LRRC37A2: variants seen among roughly 807,000 people sequenced by gnomAD.
The protein encoded by LRRC37A2 is leucine-rich repeat-containing protein 37A2.
LRRC37A2 carries 9 observed loss-of-function variants against 68.8 expected under a neutral mutation model. The ratio of observed to expected loss-of-function variants is 0.13; its 90% CI spans 0.08 to 0.23. The LOEUF (loss-of-function observed/expected upper bound fraction) is 0.23. Ranked by LOEUF, LRRC37A2 falls within the 10% of genes least tolerant of loss-of-function variation. LRRC37A2 has a pLI of 1.00. For synonymous variants in LRRC37A2, 63 were observed against 367.6 expected (o/e 0.17, Z 9.48); for missense variants, 168 against 950.4 (o/e 0.18, Z 10.82).
chr17:46,776,764 G>C, the LRRC37A2 span, among the ~76,000 whole-genome samples: 132 of 152,274 alleles, frequency 8.7e-4, no homozygotes, highest in African/African-American at 3.0e-3. Context: ...AGAAGCCTGG[G>C]CTGTCCCCGC....
At chr17:46,903,650 C>G in the LRRC37A2 span, among the ~76,000 whole-genome samples, 1 of 152,086 alleles carries the variant, frequency 6.6e-6, no homozygotes, top group Non-Finnish European at 1.5e-5. Context: ...TACACCAAAT[C>G]TGGCTTATTA....
chr17:46,841,020 G>C, the LRRC37A2 span, among the ~76,000 whole-genome samples: 1 of 152,124 alleles, frequency 6.6e-6, no homozygotes, highest in Admixed American at 6.5e-5. Context: ...CATCACCATG[G>C]AACGCCTTTC....
At chr17:46,851,654 G>A in the LRRC37A2 span, 1 of 1,279,476 alleles carries the variant, frequency 7.8e-7, no homozygotes, top group Non-Finnish European at 9.8e-7. The surrounding 1 kb of genome is among the most constrained non-coding windows in gnomAD (Gnocchi z 4.3). Context: ...CCCCCCGCCC[G>A]CGCTGGCCCT....
the LRRC37A2 span, among the ~76,000 whole-genome samples, chr17:46,787,364 C>T: frequency 2.6e-5 from 4 of 152,132 alleles, no homozygotes; most frequent in Non-Finnish European, 4.4e-5. Context: ...TAAATGGCCA[C>T]GCATGTTAGT....
At chr17:46,976,093 AT>A in the LRRC37A2 span, among the ~76,000 whole-genome samples, 1 of 151,606 alleles carries the variant, frequency 6.6e-6, no homozygotes, top group African/African-American at 2.4e-5. Flanking sequence ...CGCCCGGCTA[AT>A]TTTTTGTATT....
chr17:46,671,661 G>A, the LRRC37A2 span, among the ~76,000 whole-genome samples: 81 of 68,820 alleles, frequency 1.2e-3, 1 homozygote, highest in African/African-American at 3.9e-3. Flanking sequence ...ATATTCTATC[G>A]TTTCACATAT....
the LRRC37A2 span, among the ~76,000 whole-genome samples, chr17:46,903,760 T>G: frequency 1.1e-5 from 1 of 88,016 alleles, no homozygotes; most frequent in East Asian, 3.6e-4. Flanking sequence ...GGTGAGTGGA[T>G]GGATGGGTGG....
chr17:46,599,977 A>C, the LRRC37A2 span, among the ~76,000 whole-genome samples: 1 of 76,762 alleles, frequency 1.3e-5, no homozygotes, highest in Non-Finnish European at 2.4e-5. Flanking sequence ...TTTTTTTTAG[A>C]GGCTGAGTCT....
intron 8 of LRRC37A2, among the ~76,000 whole-genome samples, chr17:46,541,541 C>T (rs1405203522): frequency 1.3e-5 from 2 of 150,662 alleles, no homozygotes; most frequent in Non-Finnish European, 2.9e-5. Flanking sequence ...TAAGATCCAC[C>T]TTGCCTGGCC....
chr17:47,027,483 A>C, the LRRC37A2 span: 1 of 754,064 alleles, frequency 1.3e-6, no homozygotes. Flanking sequence ...TATTATTCTA[A>C]ACTCTTGCTA....
the LRRC37A2 span, among the ~76,000 whole-genome samples, chr17:46,754,608 T>G: frequency 2.0e-5 from 3 of 152,116 alleles, no homozygotes; most frequent in African/African-American, 7.2e-5. Flanking sequence ...ATTTAACGAG[T>G]TAGTATAAAT....
the LRRC37A2 span, among the ~76,000 whole-genome samples, chr17:46,976,463 C>T: frequency 2.2e-4 from 33 of 152,052 alleles, no homozygotes; most frequent in African/African-American, 5.1e-4. Flanking sequence ...AGGAGAATCG[C>T]TTGAACCTGG....
chr17:46,781,198 C>T, the LRRC37A2 span, among the ~76,000 whole-genome samples: 1 of 149,514 alleles, frequency 6.7e-6, no homozygotes, highest in Non-Finnish European at 1.5e-5. Context: ...TGCACTCCAG[C>T]TTGGGCGACA....
the LRRC37A2 span, chr17:46,749,705 C>T: frequency 7.1e-7 from 1 of 1,411,200 alleles, no homozygotes; most frequent in Non-Finnish European, 9.5e-7. Flanking sequence ...AAATTGTGTT[C>T]AAGCTTACTG....
the LRRC37A2 span, chr17:46,755,626 A>G: frequency 2.8e-6 from 2 of 718,744 alleles, no homozygotes; most frequent in Non-Finnish European, 4.5e-6. Context: ...CTGCTTTTAC[A>G]TGCATGGAGC....
chr17:46,867,675 C>A, the LRRC37A2 span, among the ~76,000 whole-genome samples: 2 of 152,202 alleles, frequency 1.3e-5, no homozygotes, highest in Admixed American at 6.5e-5. Flanking sequence ...CCCAGCGGGG[C>A]AGCTTTAGCC....
At chr17:46,962,683 TC>T in the LRRC37A2 span, among the ~76,000 whole-genome samples, 1 of 152,128 alleles carries the variant, frequency 6.6e-6, no homozygotes, top group Admixed American at 6.6e-5. Flanking sequence ...CTTCCAGCTG[TC>T]CCTGCCAAGG....
chr17:46,749,874 T>C, the LRRC37A2 span: 1 of 1,614,140 alleles, frequency 6.2e-7, no homozygotes, highest in East Asian at 2.2e-5. Context: ...TGCCCAACAT[T>C]GCCACAGGAG....
At chr17:46,879,013 G>C in the LRRC37A2 span, among the ~76,000 whole-genome samples, 5 of 152,280 alleles carry the variant, frequency 3.3e-5, no homozygotes, top group African/African-American at 1.2e-4. Context: ...GGGGCCCCTG[G>C]GGACTAGAGT....
Sources: gnomAD v4.1 joint callset for allele counts (sites outside exome capture counted in the v4.1 genomes callset) on GRCh38, gnomAD v4.1.1 for gene constraint, Gnocchi (gnomAD v3.1) non-coding constraint, MANE v1.5 for transcripts, NCBI Gene and HGNC (gene_info 2026-07-23, HGNC 2026-07-21) for gene names.